SPEF2: variants seen among roughly 807,000 people sequenced by gnomAD.
SPEF2 encodes the protein sperm flagella and cilia-associated protein 2.
A neutral mutation model predicts 224.6 loss-of-function variants in SPEF2; 187 were observed. The observed-to-expected ratio is 0.83, with a 90% CI of 0.74 to 0.94. The LOEUF (loss-of-function observed/expected upper bound fraction) is 0.94, where lower values mean the gene tolerates loss of function less well. Among genes scored for constraint, SPEF2 ranks in the 40% least tolerant of loss-of-function variants. The probability of loss-of-function intolerance (pLI) is 0.00; values close to 1 mark genes in which losing one functional copy is unlikely to be tolerated. For missense variants in SPEF2, 2,170 were observed against 2,135.6 expected, an observed-to-expected ratio of 1.02 and a Z score of -0.32; for synonymous variants, 715 against 707.3, an observed-to-expected ratio of 1.01 and a Z score of -0.17.
chr5:35,716,571 G>A (rs889439807), intron 20 of SPEF2, among the ~76,000 whole-genome samples: 2 of 152,030 alleles, frequency 1.3e-5, no homozygotes, highest in Non-Finnish European at 2.9e-5. Context: ...GAGCCATGTA[G>A]TTAGCTCAAA....
chr5:35,664,780 G>C (rs906255720), intron 8 of SPEF2, among the ~76,000 whole-genome samples: 4 of 146,174 alleles, frequency 2.7e-5, no homozygotes, highest in Admixed American at 6.8e-5. Context: ...GAGAGAGAGA[G>C]AAAGAGGGAG....
At chr5:35,714,345 A>G (rs1347036302) in intron 20 of SPEF2, among the ~76,000 whole-genome samples, 1 of 151,550 alleles carries the variant, frequency 6.6e-6, no homozygotes, top group Non-Finnish European at 1.5e-5. Context: ...TTAAAGAGTC[A>G]TAAGTTCCCT....
At chr5:35,733,475 A>G (rs1389402470) in intron 21 of SPEF2, among the ~76,000 whole-genome samples, 1 of 152,208 alleles carries the variant, frequency 6.6e-6, no homozygotes, top group Non-Finnish European at 1.5e-5. Context: ...TATTTAGAAT[A>G]TCAAAAAAGG....
chr5:35,622,722 G>A (rs1453565513), intron 1 of SPEF2, among the ~76,000 whole-genome samples: 4 of 152,038 alleles, frequency 2.6e-5, no homozygotes, highest in East Asian at 1.9e-4. Context: ...GGCTAGCCTC[G>A]CAGCGTTTTT....
intron 14 of SPEF2, among the ~76,000 whole-genome samples, chr5:35,696,879 C>T (rs1040914137): frequency 9.9e-5 from 15 of 152,140 alleles, no homozygotes; most frequent in African/African-American, 3.1e-4. Flanking sequence ...GTGAGAGAAC[C>T]TGCCCACTGG....
chr5:35,735,708 A>G (rs1195277084), intron 21 of SPEF2, among the ~76,000 whole-genome samples: 66 of 152,236 alleles, frequency 4.3e-4, no homozygotes, highest in Admixed American at 4.3e-3. Context: ...TAAATATAAT[A>G]TGGATCCTCA....
At chr5:35,648,025 T>C (rs1747645540) in intron 5 of SPEF2, among the ~76,000 whole-genome samples, 1 of 152,204 alleles carries the variant, frequency 6.6e-6, no homozygotes, top group Admixed American at 6.5e-5. Flanking sequence ...ATAGCTACCA[T>C]TTATTGAACA....
chr5:35,628,679 A>C, intron 2 of SPEF2, 117 bp downstream of exon 2: 1 of 649,794 alleles, frequency 1.5e-6, no homozygotes. Context: ...GCAACCTCAA[A>C]CTCCTGGGAT....
intron 25 of SPEF2, 25 bp from the exon 26 acceptor site, chr5:35,763,497 C>G (rs1411135857): frequency 6.6e-6 from 10 of 1,516,564 alleles, no homozygotes; most frequent in Non-Finnish European, 7.9e-6. Context: ...ATTTTTTATC[C>G]TTTTTGCTTG....
At position 35,649,571 on chromosome 5, in the gene SPEF2, A is replaced by G. The variant is rs139947078; in HGVS notation, c.791+146A>G. 3.1e-3 allele frequency: 1,669 copies of G among 543,546 alleles called. 37 individuals are homozygous for G. Among genetic ancestry groups the G allele is most frequent in the East Asian group, 0.029 (982 of 33,320 alleles). The allele number at this position is 543,546 out of a possible 1,614,324, so 33.7% of individuals were successfully genotyped here. A position where few individuals can be genotyped will look rare whatever the true frequency, so the allele number is the denominator to read the frequency against. On this transcript the variant is annotated intron_variant, in intron 6 of 36. Coordinates refer to ENST00000356031, the MANE Select transcript of SPEF2 (RefSeq NM_024867.4). Reference sequence around the variant, plus strand: ...TTGATTCAGAGAGTAATTAGGGAAGATAAATGAGCTAAAGTTCAGATTGTT... The same window carrying G: ...TTGATTCAGAGAGTAATTAGGGAAGGTAAATGAGCTAAAGTTCAGATTGTT...
intron 30 of SPEF2, chr5:35,781,297 A>G (rs1206288441): frequency 6.6e-6 from 1 of 152,232 alleles, no homozygotes; most frequent in Non-Finnish European, 1.5e-5. Context: ...ATGTTATTCA[A>G]GTGCTCAAGA....
At chr5:35,798,374 C>T (rs945398962) in intron 33 of SPEF2, among the ~76,000 whole-genome samples, 1 of 152,158 alleles carries the variant, frequency 6.6e-6, no homozygotes, top group Non-Finnish European at 1.5e-5. Context: ...GTTGATCAAG[C>T]ATGCAAGGCC....
At chr5:35,632,941 C>T (rs1745335209) in intron 2 of SPEF2, 1 of 152,102 alleles carries the variant, frequency 6.6e-6, no homozygotes, top group African/African-American at 2.4e-5. Context: ...TCTCTTTAAA[C>T]TTAATGAAAT....
At chr5:35,690,918 A>G in intron 10 of SPEF2, 119 bp from the exon 11 acceptor site, 3 of 663,002 alleles carry the variant, frequency 4.5e-6, no homozygotes, top group East Asian at 5.7e-5. Context: ...TAATATAATT[A>G]AAGTATTCAT....
At chr5:35,773,252 C>T (rs1753118463) in intron 27 of SPEF2, among the ~76,000 whole-genome samples, 1 of 152,008 alleles carries the variant, frequency 6.6e-6, no homozygotes, top group Admixed American at 6.6e-5. Context: ...TGGTGGCACA[C>T]ATCTGTAGTC....
chr5:35,715,751 C>A (rs1028063410), intron 20 of SPEF2, among the ~76,000 whole-genome samples: 1 of 150,240 alleles, frequency 6.7e-6, no homozygotes, highest in African/African-American at 2.4e-5. Flanking sequence ...TTTTCCTGAC[C>A]CTAGTTTCAT....
At chr5:35,726,954 C>T (rs1744752103) in intron 20 of SPEF2, among the ~76,000 whole-genome samples, 2 of 151,270 alleles carry the variant, frequency 1.3e-5, no homozygotes, top group African/African-American at 4.9e-5. Context: ...GAAAATTAGA[C>T]CTCCTCTTTC....
chr5:35,672,983 T>C (rs1751393564), intron 10 of SPEF2, among the ~76,000 whole-genome samples: 1 of 152,196 alleles, frequency 6.6e-6, no homozygotes, highest in African/African-American at 2.4e-5. Flanking sequence ...TGTCTTAACT[T>C]TATTTCCTAA....
intron 24 of SPEF2, 63 bp from the exon 25 acceptor site, chr5:35,759,505 C>T (rs371515655): frequency 4.3e-5 from 57 of 1,337,474 alleles, no homozygotes; most frequent in African/African-American, 1.0e-4. Flanking sequence ...AGGCTTATAT[C>T]GGAAATATGT....
Sources: allele counts gnomAD v4.1 joint callset (sites outside exome capture counted in the v4.1 genomes callset), GRCh38; gene constraint gnomAD v4.1.1; transcripts MANE v1.5; gene names NCBI Gene and HGNC (gene_info 2026-07-23, HGNC 2026-07-21).